Variants in SH3BP2 observed in about 807,000 individuals in gnomAD.
The protein encoded by SH3BP2 is SH3 domain-binding protein 2.
Under a neutral mutation model 56.2 loss-of-function variants are expected in SH3BP2, and 38 were observed. The observed-to-expected ratio is 0.68, with a 90% confidence interval of 0.52 to 0.89. The LOEUF (loss-of-function observed/expected upper bound fraction) is 0.89, where lower values mean the gene tolerates loss of function less well. Ranked by LOEUF, SH3BP2 falls within the 40% of genes least tolerant of loss-of-function variation. The probability of loss-of-function intolerance (pLI) is 0.00; values close to 1 mark genes in which losing one functional copy is unlikely to be tolerated. For missense variants in SH3BP2, 748 were observed against 762.6 expected (o/e 0.98, Z 0.23); for synonymous variants, 346 against 316.7 (o/e 1.09, Z -0.98).
chr4:2,800,468 G>A (rs925704161), intron 1 of SH3BP2, among the ~76,000 whole-genome samples: 62 of 152,176 alleles, frequency 4.1e-4, no homozygotes, highest in African/African-American at 1.5e-3. Context: ...GGCAGACACC[G>A]GCGGGCTTGC....
At chr4:2,811,633 C>CT (rs1429097621) in intron 1 of SH3BP2, among the ~76,000 whole-genome samples, 1 of 152,206 alleles carries the variant, frequency 6.6e-6, no homozygotes, top group Admixed American at 6.5e-5. Context: ...CGGGAGCGTG[C>CT]TTTGCCACTC....
rs929333726 is a variant in SH3BP2 at position 2,818,763 on chromosome 4, C to T, written c.-4-1851C>T. The T allele has an allele frequency of 9.1e-6, 9 of 988,108 alleles. No individual in the cohort carries two copies. The African/African-American group carries it at 1.6e-4, about 17-fold the overall frequency. 61.2% of individuals were successfully genotyped at this position (988,108 alleles called of 1,614,324 possible). A position where few individuals can be genotyped will look rare whatever the true frequency, so the allele number is the denominator to read the frequency against. ...CTGCGGCTGGGACCCGCCCCTGACC[C>T]CTCCCTGCCCAGAGGGGCTGTCTTT... On this transcript the variant is annotated intron_variant, in intron 1 of 12. Coordinates refer to ENST00000503393, the MANE Select transcript of SH3BP2 (RefSeq NM_001122681.2).
At chr4:2,801,559 A>AC (rs1723281824) in intron 1 of SH3BP2, among the ~76,000 whole-genome samples, 1 of 151,524 alleles carries the variant, frequency 6.6e-6, no homozygotes, top group Non-Finnish European at 1.5e-5. Flanking sequence ...CTGCTCTCCC[A>AC]CCCCGATGCC....
At chr4:2,818,605 C>T (rs1428296255) in intron 1 of SH3BP2, 20 of 617,146 alleles carry the variant, frequency 3.2e-5, no homozygotes, top group Non-Finnish European at 4.2e-5. Flanking sequence ...GCGGGCAGCT[C>T]CCCGCGGGCG....
At chr4:2,827,105 A>G (rs745353349) in intron 5 of SH3BP2, 125 bp from the exon 6 acceptor site, 51 of 753,654 alleles carry the variant, frequency 6.8e-5, no homozygotes, top group Non-Finnish European at 1.1e-4. Flanking sequence ...TTGTCAGTGT[A>G]TCCGTGTGTG....
At chr4:2,798,105 C>T (rs1243544758) in intron 1 of SH3BP2, among the ~76,000 whole-genome samples, 2 of 152,144 alleles carry the variant, frequency 1.3e-5, no homozygotes, top group African/African-American at 2.4e-5. Flanking sequence ...GCCTGCCACC[C>T]GGCAGCAGGG....
At chr4:2,826,961 GT>G (rs1192623989) in intron 5 of SH3BP2, 1 of 636,722 alleles carries the variant, frequency 1.6e-6, no homozygotes, top group Admixed American at 2.1e-5. Flanking sequence ...GTGTGCACGT[GT>G]GCATTTGTGT....
At chr4:2,806,096 A>G (rs943492903) in intron 1 of SH3BP2, among the ~76,000 whole-genome samples, 2 of 152,202 alleles carry the variant, frequency 1.3e-5, no homozygotes, top group Non-Finnish European at 2.9e-5. Flanking sequence ...AGAGTGGGCC[A>G]CAGGCCAGGA....
intron 1 of SH3BP2, chr4:2,812,627 C>A: frequency 9.5e-7 from 1 of 1,050,134 alleles, no homozygotes; most frequent in Non-Finnish European, 1.4e-6. Context: ...CTGCAAAAGG[C>A]AACAGGCTCT....
At chr4:2,826,744 G>T (rs576877781) in intron 5 of SH3BP2, 2 of 367,956 alleles carry the variant, frequency 5.4e-6, no homozygotes, top group Non-Finnish European at 1.1e-5. Context: ...GCATGTCCGC[G>T]TGTTGCTTGT....
At chr4:2,811,352 T>G (rs1723743150) in intron 1 of SH3BP2, among the ~76,000 whole-genome samples, 1 of 152,216 alleles carries the variant, frequency 6.6e-6, no homozygotes, top group Non-Finnish European at 1.5e-5. Context: ...TTGTGGCCTG[T>G]GCTCTGTGGC....
intron 5 of SH3BP2, among the ~76,000 whole-genome samples, chr4:2,826,039 G>C (rs370177952): frequency 5.2e-5 from 8 of 152,388 alleles, no homozygotes; most frequent in East Asian, 3.9e-4. Flanking sequence ...CTGACTCCGG[G>C]CTCCCGTCCC....
At chr4:2,832,152 CT>C in intron 10 of SH3BP2, 174 bp downstream of exon 10, 2 of 968,812 alleles carry the variant, frequency 2.1e-6, no homozygotes, top group Non-Finnish European at 3.3e-6. Context: ...AGCTGGCACC[CT>C]GGCTGGCCAG....
chr4:2,793,952 G>A (rs1460155373), intron 1 of SH3BP2, among the ~76,000 whole-genome samples: 2 of 152,192 alleles, frequency 1.3e-5, no homozygotes. Context: ...CCCTGCTGTG[G>A]GGAGCCTTCT....
intron 1 of SH3BP2, chr4:2,812,123 A>G: frequency 7.6e-7 from 1 of 1,317,922 alleles, no homozygotes; most frequent in Non-Finnish European, 9.9e-7. Context: ...GAGCAGTGGA[A>G]GGTAGGAGTT....
intron 1 of SH3BP2, chr4:2,814,938 G>GGAAT (rs1175003360): frequency 6.6e-6 from 1 of 152,318 alleles, no homozygotes; most frequent in African/African-American, 2.4e-5. Flanking sequence ...GGAGTCCCCT[G>GGAAT]GAATGAATGA....
chr4:2,799,857 G>A (rs1485912429), intron 1 of SH3BP2, among the ~76,000 whole-genome samples: 2 of 152,232 alleles, frequency 1.3e-5, no homozygotes, highest in African/African-American at 4.8e-5. Context: ...CTCAGGCTGT[G>A]TGAAAGACAC....
intron 3 of SH3BP2, chr4:2,823,563 C>CTGT: frequency 2.2e-6 from 1 of 455,802 alleles, no homozygotes; most frequent in Non-Finnish European, 4.4e-6. Context: ...GCCTTCTGCA[C>CTGT]TAACAGGCAG....
rs541122593 is a variant in SH3BP2 at position 2,830,253 on chromosome 4, C to T, written c.1241+106C>T. On this transcript the variant is annotated intron_variant, in intron 8 of 12. Transcript: ENST00000503393. Reference sequence around the variant, plus strand: ...TCGCTCCCCTGGCACTCTTAGCCCACGACGGGGTACCAGGTGCAAGGGTAG... The same window carrying T: ...TCGCTCCCCTGGCACTCTTAGCCCATGACGGGGTACCAGGTGCAAGGGTAG... The T allele has an allele frequency of 1.1e-3, 1,268 of 1,114,380 alleles. 7 individuals carry two copies. Among genetic ancestry groups the T allele is most frequent in the East Asian group, 3.2e-3 (125 of 38,762 alleles). The allele number at this position is 1,114,380 out of a possible 1,614,324, so 69.0% of individuals were successfully genotyped here. A position where few individuals can be genotyped will look rare whatever the true frequency, so the allele number is the denominator to read the frequency against.
Sources: gnomAD v4.1 joint callset for allele counts (sites outside exome capture counted in the v4.1 genomes callset) on GRCh38, gnomAD v4.1.1 for gene constraint, MANE v1.5 for transcripts, NCBI Gene and HGNC (gene_info 2026-07-23, HGNC 2026-07-21) for gene names.